The following PIGZ variants were observed in gnomAD, a reference collection of about 807,000 sequenced individuals.
PIGZ encodes GPI alpha-1,2-mannosyltransferase 4.
In PIGZ, 16 loss-of-function variants were observed where a neutral mutation model predicts 16.4. The ratio of observed to expected loss-of-function variants is 0.97; its 90% CI spans 0.66 to 1.48. The LOEUF is 1.48. Among genes scored for constraint, PIGZ ranks in the 40% most tolerant of loss-of-function variants. The pLI, the probability that PIGZ is intolerant of heterozygous loss-of-function variation, is 0.00. For synonymous variants in PIGZ, 409 were observed against 338.4 expected (o/e 1.21, Z -2.29); for missense variants, 770 against 739.2 (o/e 1.04, Z -0.48).
rs774060598 is a variant in PIGZ at position 196,947,097 on chromosome 3, A to C, written c.*60T>G. On this transcript the variant is annotated 3_prime_UTR_variant, in exon 3 of 3. Coordinates refer to ENST00000412723, the MANE Select transcript of PIGZ (RefSeq NM_025163.4). Reference sequence around the variant, plus strand: ...AGCGTCCCAGCCCAGCTACCCAAGTAGAAGGTGGGGCGGCATCTTCTATGG... The same window carrying C: ...AGCGTCCCAGCCCAGCTACCCAAGTCGAAGGTGGGGCGGCATCTTCTATGG... 2.0e-4 allele frequency: 289 copies of C among 1,458,640 alleles called. No individual in the cohort carries two copies. The highest frequency in any genetic ancestry group is 2.6e-4 in the Non-Finnish European group (280 of 1,084,916). The allele number at this position is 1,458,640 out of a possible 1,614,324, so 90.4% of individuals were successfully genotyped here.
Position 196,951,903 on chromosome 3 carries a change from C to G in PIGZ, c.129G>C (p.Leu43=), listed in dbSNP as rs778548449. 1 of 1,614,178 alleles carries G rather than the reference C, an allele frequency of 6.2e-7. No individual in the cohort carries two copies. The highest frequency in any genetic ancestry group is 1.1e-5 in the South Asian group (1 of 91,082). Residue 43 remains leucine (L), a synonymous_variant, in exon 2 of 3, where the codon CTG becomes CTC. Transcript: ENST00000412723. The part of the protein sequence containing the change: ...AVRVLWGGLS[L]LRVLWCLLPQ... ...GAAGGAGACACCACAGCACTCGGAG[C>G]AGGCTGAGACCACCCCAAAGCACCC...
In PIGZ at chr3:196,947,435, C is replaced by A; in HGVS notation, c.1462G>T (p.Gly488Trp). ...LGAPVEVVDM[G>W]GTEDWALCQT... ...CACAGGGCCCAGTCCTCAGTCCCCC[C>A]CATGTCCACCACCTCCACTGGTGCC... is the stretch of plus-strand genomic sequence containing the variant. The change falls in exon 3 of 3, where the codon GGG becomes TGG. Residue 488 changes from glycine to tryptophan, a missense_variant. Physicochemically the swap from Gly to Trp is radical, Grantham distance 184. Transcript: ENST00000412723. 2 of 1,613,802 alleles carry A rather than the reference C, an allele frequency of 1.2e-6. No individual in the cohort carries two copies. The highest frequency in any genetic ancestry group is 8.5e-7 in the Non-Finnish European group (1 of 1,180,024).
chr3:196,947,206 C>T lies in PIGZ; in HGVS notation c.1691G>A (p.Trp564Ter), dbSNP rs1716919580. ...AATGTGAAGACTGAGGTGGTCCCTC[C>T]AAGCCCCACTCAGCAAGGAGGACAG... ...PALSSLLSGA[W>*]RDHLSLHIVE... The change falls in exon 3 of 3, where the codon TGG becomes TAG. Residue 564 changes from tryptophan to a stop codon, truncating the protein, a stop_gained. Transcript: ENST00000412723. LOFTEE classifies it high-confidence loss of function. The T allele has an allele frequency of 1.3e-6, 2 of 1,593,420 alleles. No individual in the cohort carries two copies. The highest frequency in any genetic ancestry group is 2.2e-5 in the East Asian group (1 of 44,734).
In PIGZ at chr3:196,947,584, C is replaced by T. The variant is rs1156594056; in HGVS notation, c.1313G>A (p.Gly438Asp). The T allele has an allele frequency of 6.2e-7, 1 of 1,613,752 alleles. No homozygotes were observed. Residue 438 changes from glycine to aspartate, a missense_variant, in exon 3 of 3, where the codon GGC becomes GAC. By Grantham distance (94) the Gly-to-Asp change is moderately conservative. Transcript: ENST00000412723. ...GACCACCTGCTCCAGGTACTCCAGG[C>T]CAGGCACCAGGCCCCCCTGATGCAG... ...GCLHQGGLVP[G>D]LEYLEQVVHA...
At chr3:196,952,184 A>G (rs471195) in intron 1 of PIGZ, among the ~76,000 whole-genome samples, 153 bp from the exon 2 acceptor site, 97,328 of 152,122 alleles carry the variant, frequency 0.64, 32,300 homozygotes, top group East Asian at 0.86. Context: ...CAGGCACGTG[A>G]CATGCATATT....
In PIGZ at chr3:196,948,462, G is replaced by T; in HGVS notation, c.435C>A (p.Tyr145Ter). 6.2e-7 allele frequency: 1 copy of T among 1,614,004 alleles called. No homozygotes were observed. Among genetic ancestry groups the T allele is most frequent in the Non-Finnish European group, 8.5e-7 (1 of 1,179,964 alleles). ...CCGCCCCCATCGGCGGGGCCAGGTG[G>T]TACACGGCCCCGTCCAGAGCAAAGG... ...ALSFALDGAV[Y>*]HLAPPMGADR... The change falls in exon 3 of 3, where the codon TAC becomes TAA. Residue 145 changes from tyrosine to a stop codon, truncating the protein, a stop_gained. Transcript: ENST00000412723. LOFTEE classifies it low-confidence loss of function (END_TRUNC).
At chr3:196,953,633 C>T (rs1577888457) in intron 1 of PIGZ, among the ~76,000 whole-genome samples, 1 of 152,342 alleles carries the variant, frequency 6.6e-6, no homozygotes, top group East Asian at 1.9e-4. Flanking sequence ...GCTTGACAAC[C>T]TGCTTGTCCC....
At chr3:196,964,336 A>G (rs994510082) in intron 1 of PIGZ, among the ~76,000 whole-genome samples, 1 of 151,978 alleles carries the variant, frequency 6.6e-6, no homozygotes, top group Non-Finnish European at 1.5e-5. Context: ...GGCATGAGCC[A>G]CCGTGCCCGG....
intron 2 of PIGZ, among the ~76,000 whole-genome samples, chr3:196,950,442 C>T (rs983366351): frequency 1.3e-5 from 2 of 152,232 alleles, no homozygotes; most frequent in East Asian, 3.8e-4. Context: ...TCATTGTTCA[C>T]AGCGTCTCTT....
Position 196,948,460 on chromosome 3 carries a change from T to C in PIGZ, c.437A>G (p.His146Arg), listed in dbSNP as rs763781533. Residue 146 changes from histidine to arginine, a missense_variant, in exon 3 of 3, where the codon CAC (histidine) becomes CGC (arginine). Coordinates refer to ENST00000412723, the MANE Select transcript of PIGZ (RefSeq NM_025163.4). ...ATCCGCCCCCATCGGCGGGGCCAGGTGGTACACGGCCCCGTCCAGAGCAAA... is the reference window on the plus strand; with the variant it reads ...ATCCGCCCCCATCGGCGGGGCCAGGCGGTACACGGCCCCGTCCAGAGCAAA... ...LSFALDGAVY[H>R]LAPPMGADRW... 6.2e-6 allele frequency: 10 copies of C among 1,612,176 alleles called. No homozygotes were observed. The East Asian group carries it at 6.7e-5, about 11-fold the overall frequency.
intron 1 of PIGZ, among the ~76,000 whole-genome samples, chr3:196,952,396 A>G (rs1424925656): frequency 1.3e-5 from 2 of 152,162 alleles, no homozygotes; most frequent in Non-Finnish European, 2.9e-5. Flanking sequence ...GGCAGTGTCT[A>G]TAAGGGTATT....
chr3:196,953,353 C>T (rs1331663053), intron 1 of PIGZ, among the ~76,000 whole-genome samples: 3 of 152,290 alleles, frequency 2.0e-5, no homozygotes, highest in East Asian at 1.9e-4. Flanking sequence ...GGAAAGTCAA[C>T]GGATGCCACC....
chr3:196,946,975 G>A lies in PIGZ; in HGVS notation c.*182C>T. The A allele has an allele frequency of 1.8e-6, 1 of 547,256 alleles. No homozygotes were observed. Among genetic ancestry groups the A allele is most frequent in the Non-Finnish European group, 3.2e-6 (1 of 317,374 alleles). The allele number at this position is 547,256 out of a possible 1,614,324, so 33.9% of individuals were successfully genotyped here. ...GACAGGTCAAATCTTTGGTCTCAGGGAGAAGAGTGCCAGCTCACCCAGAAG... is the reference window on the plus strand; with the variant it reads ...GACAGGTCAAATCTTTGGTCTCAGGAAGAAGAGTGCCAGCTCACCCAGAAG... On this transcript the variant is annotated 3_prime_UTR_variant, in exon 3 of 3. Transcript: ENST00000412723.
Position 196,951,403 on chromosome 3 carries a change from G to A in PIGZ, c.211+418C>T, listed in dbSNP as rs1174134205. 3 of 258,130 alleles carry A rather than the reference G, an allele frequency of 1.2e-5. No homozygotes were observed. In the East Asian group the frequency reaches 2.9e-4, roughly 25 times the overall value. 16.0% of individuals were successfully genotyped at this position (258,130 alleles called of 1,614,324 possible). A position where few individuals can be genotyped will look rare whatever the true frequency, so the allele number is the denominator to read the frequency against. On this transcript the variant is annotated intron_variant, in intron 2 of 2. Coordinates refer to ENST00000412723, the MANE Select transcript of PIGZ (RefSeq NM_025163.4). ...GCCTAACAGATGAGTGAGTGTCCCA[G>A]GTCTGGGTTCCCTTACCCCTCTCTT... is the stretch of plus-strand genomic sequence containing the variant.
chr3:196,954,071 T>A (rs553004017), intron 1 of PIGZ, among the ~76,000 whole-genome samples: 1 of 151,152 alleles, frequency 6.6e-6, no homozygotes, highest in East Asian at 1.9e-4. Flanking sequence ...TTGCTTTAAG[T>A]CAGGAGTTTG....
rs146476701 is a variant in PIGZ, at chr3:196,951,851, C to T, written c.181G>A (p.Glu61Lys). 5.0e-6 allele frequency: 8 copies of T among 1,614,076 alleles called. No homozygotes were observed. The highest frequency in any genetic ancestry group is 1.3e-5 in the African/African-American group (1 of 74,926). The part of the protein sequence containing the change: ...LPQTGYVHPD[E>K]FFQSPEVMAE... ...ATCACCTCAGGGGACTGGAAGAACT[C>T]ATCTGGGTGCACATAGCCCGTCTGC... is the stretch of plus-strand genomic sequence containing the variant. The change falls in exon 2 of 3, where the codon GAG becomes AAG. Residue 61 changes from glutamate (E) to lysine (K), a missense_variant. By Grantham distance (56) the Glu-to-Lys change is moderately conservative (BLOSUM62 1). Coordinates refer to ENST00000412723, the MANE Select transcript of PIGZ (RefSeq NM_025163.4).
At chr3:196,956,864 G>T (rs987381926) in intron 1 of PIGZ, among the ~76,000 whole-genome samples, 5 of 152,158 alleles carry the variant, frequency 3.3e-5, no homozygotes, top group African/African-American at 1.2e-4. Flanking sequence ...TTTATTAAAT[G>T]ATATCAAACA....
chr3:196,955,912 C>A (rs143090609), intron 1 of PIGZ, among the ~76,000 whole-genome samples: 1 of 151,928 alleles, frequency 6.6e-6, no homozygotes, highest in Non-Finnish European at 1.5e-5. Context: ...TTTATTTATA[C>A]CATCTTATTT....
chr3:196,960,185 G>A (rs1370976515), intron 1 of PIGZ, among the ~76,000 whole-genome samples: 2 of 152,106 alleles, frequency 1.3e-5, no homozygotes, highest in Non-Finnish European at 2.9e-5. Flanking sequence ...GTTACTTCTG[G>A]GTGTTCAGAG....
Sources: allele counts gnomAD v4.1 joint callset (sites outside exome capture counted in the v4.1 genomes callset), GRCh38; gene constraint gnomAD v4.1.1; transcripts MANE v1.5; gene names NCBI Gene and HGNC (gene_info 2026-07-23, HGNC 2026-07-21).